Variants in LAMA2 observed in about 807,000 individuals in gnomAD.
The protein encoded by LAMA2 is laminin subunit alpha-2.
LAMA2 carries 269 observed loss-of-function variants against 364.8 expected under a neutral mutation model. That is an observed-to-expected ratio of 0.74 (90% CI 0.67 to 0.82). The LOEUF (loss-of-function observed/expected upper bound fraction) is 0.82, where lower values mean the gene tolerates loss of function less well. LAMA2 is among the 40% of genes least tolerant of loss of function. The pLI is 0.00. For missense variants in LAMA2, 3,807 were observed against 3,873.2 expected, an observed-to-expected ratio of 0.98 and a Z score of 0.45; for synonymous variants, 1,379 against 1,370.6, an observed-to-expected ratio of 1.01 and a Z score of -0.14.
chr6:129,300,459 A>G (rs1373479978), intron 21 of LAMA2, among the ~76,000 whole-genome samples: 1 of 152,192 alleles, frequency 6.6e-6, no homozygotes, highest in Non-Finnish European at 1.5e-5. Context: ...TGATAACACC[A>G]ATTCTTTCCT....
In LAMA2 at chr6:128,962,175, T is replaced by TAC. The variant is rs1562874055; in HGVS notation, c.112+78819_112+78820insCA. On this transcript the variant is annotated intron_variant, in intron 1 of 64. Coordinates refer to ENST00000421865, the MANE Select transcript of LAMA2 (RefSeq NM_000426.4). The stretch of plus-strand genomic sequence containing the variant: ...ATATATATATATATATATATATATA[T>TAC]ATATATATATACACACATACACACA... Among the ~76,000 whole-genome samples the TAC allele has an allele frequency of 2.4e-5, 3 of 123,224 alleles. 1 individual carries two copies. Among genetic ancestry groups the TAC allele is most frequent in the African/African-American group, 9.8e-5 (3 of 30,758 alleles). The allele number at this position is 123,224 out of a possible 152,430, so 80.8% of individuals were successfully genotyped here.
chr6:129,143,810 A>C, intron 4 of LAMA2, 91 bp from the exon 5 acceptor site: 1 of 917,522 alleles, frequency 1.1e-6, no homozygotes, highest in Non-Finnish European at 1.7e-6. Context: ...GGAGAATGGG[A>C]AGTTAACTTT....
chr6:129,058,677 A>G (rs904363911), intron 2 of LAMA2, among the ~76,000 whole-genome samples: 1 of 152,216 alleles, frequency 6.6e-6, no homozygotes, highest in African/African-American at 2.4e-5. Flanking sequence ...GGCCGCAAAA[A>G]GCTTCTGTAA....
chr6:129,267,181 C>A lies in LAMA2; in HGVS notation c.2284C>A (p.His762Asn). 6.2e-7 allele frequency: 1 copy of A among 1,613,142 alleles called. No individual in the cohort carries two copies. The highest frequency in any genetic ancestry group is 8.5e-7 in the Non-Finnish European group (1 of 1,179,310). The change falls in exon 16 of 65, where the codon CAT (histidine) becomes AAT (asparagine). Residue 762 changes from histidine to asparagine, a missense_variant. Transcript: ENST00000421865. ...GICEPCQCFG[H>N]AESCDDVTGE... ...CTGTGAGCCATGTCAGTGCTTTGGT[C>A]ATGCGGAGTCCTGTGATGACGTCAC...
At chr6:129,474,294 A>C (rs574434216) in intron 52 of LAMA2, among the ~76,000 whole-genome samples, 1 of 152,126 alleles carries the variant, frequency 6.6e-6, no homozygotes, top group African/African-American at 2.4e-5. Flanking sequence ...GTCTCATTCT[A>C]TGACAGCTAG....
intron 55 of LAMA2, among the ~76,000 whole-genome samples, chr6:129,485,439 T>C (rs1784543533): frequency 2.6e-5 from 4 of 152,236 alleles, no homozygotes; most frequent in African/African-American, 7.2e-5. Context: ...TCATAGTATA[T>C]GCTATCTGAA....
intron 3 of LAMA2, among the ~76,000 whole-genome samples, chr6:129,068,723 T>G (rs1034593594): frequency 6.6e-6 from 1 of 152,230 alleles, no homozygotes; most frequent in African/African-American, 2.4e-5. Flanking sequence ...AAGCGTATTC[T>G]AAATTTCAGT....
At position 129,158,955 on chromosome 6, in the gene LAMA2, A is replaced by G. The variant is rs112843372; in HGVS notation, c.1206+4272A>G. ...CAGCAATAGCACTTGAAAAAAGGCA[A>G]GGTATCCTCTGGTGCTAAGGTTACT... On this transcript the variant is annotated intron_variant, in intron 8 of 64. Coordinates refer to ENST00000421865, the MANE Select transcript of LAMA2 (RefSeq NM_000426.4). 3.1e-6 allele frequency: 5 copies of G among 1,591,224 alleles called. No individual in the cohort carries two copies. The East Asian group carries it at 6.7e-5, about 21-fold the overall frequency.
chr6:129,111,151 T>G (rs12202461), intron 4 of LAMA2, among the ~76,000 whole-genome samples: 1 of 151,958 alleles, frequency 6.6e-6, no homozygotes, highest in South Asian at 2.1e-4. Context: ...AGGCCCCTGC[T>G]ATGAAGTGAA....
chr6:129,177,837 G>T lies in LAMA2; in HGVS notation c.1438G>T (p.Asp480Tyr), dbSNP rs768914124. The change falls in exon 10 of 65, where the codon GAT (aspartate) becomes TAT (tyrosine). Residue 480 changes from aspartate to tyrosine, a missense_variant. Around this residue, in one of 3 missense-constraint regions of LAMA2, gnomAD observed 3,333 missense variants for 3,345.7 expected, o/e 1.00. Transcript: ENST00000421865. The stretch of plus-strand genomic sequence containing the variant: ...CAGTGGGTTAGGGAGCAAAAATGAG[G>T]ATCCTTGTTTTGGCCCCTGTATCTG... ...NCSGLGSKNEDPCFGPCICKE... is the reference protein window; with the variant it reads ...NCSGLGSKNEYPCFGPCICKE... The T allele has an allele frequency of 6.2e-7, 1 of 1,613,952 alleles. No individual in the cohort carries two copies. Among genetic ancestry groups the T allele is most frequent in the Non-Finnish European group, 8.5e-7 (1 of 1,179,938 alleles).
At chr6:129,066,066 G>C (rs1383409122) in intron 3 of LAMA2, among the ~76,000 whole-genome samples, 1 of 9,612 alleles carries the variant, frequency 1.0e-4, no homozygotes, top group Non-Finnish European at 3.1e-4. Context: ...TTTTTTTTGA[G>C]ACGCAGTCTC....
At chr6:129,034,794 G>T (rs1021626812) in intron 1 of LAMA2, among the ~76,000 whole-genome samples, 2 of 152,096 alleles carry the variant, frequency 1.3e-5, no homozygotes, top group African/African-American at 4.8e-5. Context: ...TTGCTGCAAA[G>T]GACATGATTT....
At chr6:129,108,080 G>GT (rs1491484967) in intron 4 of LAMA2, among the ~76,000 whole-genome samples, 10 of 83,928 alleles carry the variant, frequency 1.2e-4, no homozygotes, top group East Asian at 2.8e-4. Context: ...TATCTAATAG[G>GT]TTTTTTTAAC....
chr6:129,364,913 G>A (rs1389339635), intron 32 of LAMA2, among the ~76,000 whole-genome samples: 1 of 152,198 alleles, frequency 6.6e-6, no homozygotes, highest in Non-Finnish European at 1.5e-5. Flanking sequence ...TCTTCACACA[G>A]GCAGAGCAGG....
rs139224310 is a variant in LAMA2 at position 129,398,763 on chromosome 6, C to T, written c.5446-2461C>T. Among the ~76,000 whole-genome samples the T allele has an allele frequency of 6.8e-3, 1,041 of 152,116 alleles. 24 individuals are homozygous for T. The highest frequency in any genetic ancestry group is 0.024 in the African/African-American group (980 of 41,498). ...TGCTGGGATAACAGGCATGAGCCAC[C>T]GTGCCTGACCCATTTTTATTTATTT... is the stretch of plus-strand genomic sequence containing the variant. On this transcript the variant is annotated intron_variant, in intron 37 of 64. Coordinates refer to ENST00000421865, the MANE Select transcript of LAMA2 (RefSeq NM_000426.4).
chr6:129,308,605 A>C (rs1774021499), intron 22 of LAMA2, among the ~76,000 whole-genome samples: 1 of 152,200 alleles, frequency 6.6e-6, no homozygotes, highest in Non-Finnish European at 1.5e-5. Context: ...AGACTTCTGA[A>C]TCGAGAAATA....
intron 1 of LAMA2, among the ~76,000 whole-genome samples, chr6:128,954,930 G>A (rs183183730): frequency 1.9e-3 from 295 of 151,498 alleles, no homozygotes; most frequent in African/African-American, 6.9e-3. Context: ...TGGTATGTCA[G>A]AAGAAGAATG....
intron 12 of LAMA2, among the ~76,000 whole-genome samples, chr6:129,213,888 T>A (rs1055417007): frequency 2.0e-5 from 3 of 152,160 alleles, no homozygotes; most frequent in African/African-American, 7.2e-5. Context: ...TTTTATTTCA[T>A]GGATCTTGAC....
At chr6:128,971,337 G>A (rs1329380037) in intron 1 of LAMA2, among the ~76,000 whole-genome samples, 1 of 152,154 alleles carries the variant, frequency 6.6e-6, no homozygotes, top group African/African-American at 2.4e-5. Flanking sequence ...CCTCAAGAAA[G>A]TGTATAATTT....
Sources: allele counts gnomAD v4.1 joint callset (sites outside exome capture counted in the v4.1 genomes callset), GRCh38; gene constraint gnomAD v4.1.1; regional missense constraint gnomAD v4.1.1; transcripts MANE v1.5; gene names NCBI Gene and HGNC (gene_info 2026-07-23, HGNC 2026-07-21).